The following RSPO2 variants were observed in gnomAD, a reference collection of about 807,000 sequenced individuals.
RSPO2 encodes R-spondin-2.
In RSPO2, 14 loss-of-function variants were observed where a neutral mutation model predicts 30.9. The ratio of observed to expected loss-of-function variants is 0.45; its 90% CI spans 0.30 to 0.71. RSPO2 has a LOEUF of 0.71. Ranked by LOEUF, RSPO2 falls within the 30% of genes least tolerant of loss-of-function variation. RSPO2 has a pLI of 0.08. For synonymous variants in RSPO2, 107 were observed against 96.4 expected (o/e 1.11, Z -0.64); for missense variants, 264 against 301.9 (o/e 0.87, Z 0.93).
chr8:107,924,849 C>A (rs1008871983), intron 5 of RSPO2, among the ~76,000 whole-genome samples: 4 of 138,790 alleles, frequency 2.9e-5, no homozygotes, highest in African/African-American at 1.0e-4. Context: ...CACACACACA[C>A]AAAATAAGTT....
chr8:107,954,638 G>C (rs1211179625), intron 5 of RSPO2, among the ~76,000 whole-genome samples: 2 of 149,870 alleles, frequency 1.3e-5, no homozygotes, highest in Non-Finnish European at 2.9e-5. Flanking sequence ...TTGAGACGGA[G>C]TCCTGCTCTG....
intron 5 of RSPO2, among the ~76,000 whole-genome samples, chr8:107,926,080 T>C (rs1483755320): frequency 6.6e-6 from 1 of 152,172 alleles, no homozygotes; most frequent in East Asian, 1.9e-4. Context: ...TTTCCTGACT[T>C]TTTAATGACT....
intron 5 of RSPO2, among the ~76,000 whole-genome samples, chr8:107,946,504 C>T (rs1813063728): frequency 6.6e-6 from 1 of 152,282 alleles, no homozygotes; most frequent in South Asian, 2.1e-4. Flanking sequence ...ACGGACAAAC[C>T]TGTGGGACTG....
At chr8:107,938,459 G>T (rs980034573) in intron 5 of RSPO2, among the ~76,000 whole-genome samples, 1 of 152,060 alleles carries the variant, frequency 6.6e-6, no homozygotes, top group Non-Finnish European at 1.5e-5. Flanking sequence ...ATTTATTAAA[G>T]CTGTAATATC....
At chr8:108,005,795 G>A (rs547453854) in intron 2 of RSPO2, among the ~76,000 whole-genome samples, 1 of 152,248 alleles carries the variant, frequency 6.6e-6, no homozygotes, top group African/African-American at 2.4e-5. Context: ...GAGAATACAG[G>A]AGTTTGCCTG....
intron 2 of RSPO2, among the ~76,000 whole-genome samples, chr8:108,052,649 A>C (rs1812110950): frequency 6.6e-6 from 1 of 152,168 alleles, no homozygotes. Context: ...GTCACCGCAC[A>C]CTTGCCATGT....
intron 2 of RSPO2, among the ~76,000 whole-genome samples, chr8:108,054,772 G>GGCC (rs539208445): frequency 2.0e-3 from 311 of 152,252 alleles, no homozygotes; most frequent in Non-Finnish European, 3.0e-3. Flanking sequence ...TGTGCCCTAA[G>GGCC]GCCCCCTCTT....
At chr8:107,945,754 C>T (rs1001903132) in intron 5 of RSPO2, among the ~76,000 whole-genome samples, 1 of 152,164 alleles carries the variant, frequency 6.6e-6, no homozygotes, top group African/African-American at 2.4e-5. Flanking sequence ...TCTGAAGTCT[C>T]ATCTCCTCAG....
intron 3 of RSPO2, among the ~76,000 whole-genome samples, chr8:107,982,010 A>G (rs962208519): frequency 2.2e-5 from 2 of 92,928 alleles, no homozygotes; most frequent in Admixed American, 2.0e-4. Flanking sequence ...CAACAACAAC[A>G]AAAAAAAAAA....
chr8:108,021,216 G>A (rs1308273221), intron 2 of RSPO2, among the ~76,000 whole-genome samples: 2 of 152,118 alleles, frequency 1.3e-5, no homozygotes, highest in East Asian at 3.9e-4. Context: ...TCATTGACTT[G>A]AAAGGCAAAT....
At chr8:108,025,521 T>C (rs1341158098) in intron 2 of RSPO2, among the ~76,000 whole-genome samples, 3 of 152,050 alleles carry the variant, frequency 2.0e-5, no homozygotes, top group Admixed American at 6.6e-5. Context: ...AAGGAAAAGG[T>C]CTTCCTGATT....
At chr8:108,027,347 A>T (rs1811255823) in intron 2 of RSPO2, among the ~76,000 whole-genome samples, 1 of 152,230 alleles carries the variant, frequency 6.6e-6, no homozygotes, top group Non-Finnish European at 1.5e-5. Context: ...CATCTGGTTC[A>T]TTCCGTCTCT....
intron 5 of RSPO2, among the ~76,000 whole-genome samples, chr8:107,924,876 G>A (rs554611900): frequency 6.6e-6 from 1 of 151,402 alleles, no homozygotes; most frequent in African/African-American, 2.4e-5. Flanking sequence ...TAGATTTATG[G>A]TTTAAATATG....
At chr8:107,923,731 T>C (rs1284197311) in intron 5 of RSPO2, among the ~76,000 whole-genome samples, 2 of 152,108 alleles carry the variant, frequency 1.3e-5, no homozygotes, top group African/African-American at 2.4e-5. Context: ...TGGAATACTA[T>C]GCAGCCATAA....
At chr8:107,932,346 TG>T (rs1235952582) in intron 5 of RSPO2, among the ~76,000 whole-genome samples, 1 of 152,052 alleles carries the variant, frequency 6.6e-6, no homozygotes, top group Non-Finnish European at 1.5e-5. Flanking sequence ...TTCTAGGTTG[TG>T]GCTAAAGTGA....
At chr8:108,014,844 T>TA (rs5893898) in intron 2 of RSPO2, among the ~76,000 whole-genome samples, 30,242 of 106,318 alleles carry the variant, frequency 0.28, 3,271 homozygotes, top group Middle Eastern at 0.38. Flanking sequence ...TAAAGTATAA[T>TA]AAAAAAAAAA....
chr8:108,060,088 C>T (rs1812402597), intron 2 of RSPO2, among the ~76,000 whole-genome samples: 1 of 151,742 alleles, frequency 6.6e-6, no homozygotes, highest in Admixed American at 6.6e-5. Context: ...CTCCAGTCTA[C>T]AGCTCCCAGC....
intron 2 of RSPO2, among the ~76,000 whole-genome samples, chr8:108,069,581 C>T (rs1267105148): frequency 6.6e-6 from 1 of 152,198 alleles, no homozygotes; most frequent in African/African-American, 2.4e-5. Flanking sequence ...TTCATCCTGT[C>T]ATTCCTAGCC....
At chr8:107,983,880 A>G in intron 3 of RSPO2, 1 of 1,471,180 alleles carries the variant, frequency 6.8e-7, no homozygotes, top group South Asian at 1.1e-5. Flanking sequence ...AGCCAAGGAC[A>G]TTCCTGTCTT....
Sources: gnomAD v4.1 joint callset for allele counts (sites outside exome capture counted in the v4.1 genomes callset) on GRCh38, gnomAD v4.1.1 for gene constraint, MANE v1.5 for transcripts, NCBI Gene and HGNC (gene_info 2026-07-23, HGNC 2026-07-21) for gene names.